DCLK1: variants seen among roughly 807,000 people sequenced by gnomAD.
DCLK1 encodes doublecortin like kinase 1.
DCLK1 carries 16 observed loss-of-function variants against 86.2 expected under a neutral mutation model. That is an observed-to-expected ratio of 0.19 (90% CI 0.13 to 0.28). The LOEUF (loss-of-function observed/expected upper bound fraction) is 0.28. Ranked by LOEUF, DCLK1 falls within the 10% of genes least tolerant of loss-of-function variation. The pLI, the probability that DCLK1 is intolerant of heterozygous loss-of-function variation, is 1.00. For missense variants in DCLK1, 590 were observed against 940.2 expected (o/e 0.63, Z 4.87); for synonymous variants, 369 against 370.5 (o/e 1.00, Z 0.05).
rs146235871 is a variant in DCLK1, at chr13:35,933,369, A to G, written c.823+13989T>C. Among the ~76,000 whole-genome samples the G allele has an allele frequency of 5.5e-3, 837 of 152,288 alleles. 5 individuals are homozygous for G. The highest frequency in any genetic ancestry group is 0.01 in the Middle Eastern group (3 of 294). On this transcript the variant is annotated intron_variant, in intron 4 of 16. Transcript: ENST00000360631. The stretch of plus-strand genomic sequence containing the variant: ...TGGCCCTCTTCTCACAGCTCCACTA[A>G]GCAGTGCCACAGTAAGGACTCTGTG...
chr13:35,809,042 A>G lies in DCLK1; in HGVS notation c.1742T>C (p.Leu581Pro). 1 of 1,612,712 alleles carries G rather than the reference A, an allele frequency of 6.2e-7. No individual in the cohort carries two copies. The highest frequency in any genetic ancestry group is 8.5e-7 in the Non-Finnish European group (1 of 1,179,062). Residue 581 changes from leucine (L) to proline (P), a missense_variant, in exon 13 of 17, where the codon CTG (leucine) becomes CCG (proline). Physicochemically the swap from Leu to Pro is moderately conservative, Grantham distance 98. Transcript: ENST00000360631. ...CCCACGGAATGGAGGGAAACCACAC[A>G]GCAGGATATAAGTGATTACACCTGC... ...WAAGVITYILLCGFPPFRGSG... is the reference protein window; with the variant it reads ...WAAGVITYILPCGFPPFRGSG...
At chr13:35,849,294 G>A (rs561140428) in intron 6 of DCLK1, 12 of 984,966 alleles carry the variant, frequency 1.2e-5, no homozygotes, top group East Asian at 1.1e-4. Context: ...TTAAAACAGC[G>A]TGTGACAACT....
chr13:35,937,505 C>T (rs1876830748), intron 4 of DCLK1, among the ~76,000 whole-genome samples: 2 of 152,126 alleles, frequency 1.3e-5, no homozygotes, highest in Admixed American at 1.3e-4. Flanking sequence ...CCACATGCTA[C>T]ATTGGGATCT....
chr13:35,860,507 C>T (rs1248597472), intron 5 of DCLK1, among the ~76,000 whole-genome samples: 1 of 151,974 alleles, frequency 6.6e-6, no homozygotes, highest in Non-Finnish European at 1.5e-5. Context: ...TTCAAAGAAA[C>T]CATCTACTGA....
At chr13:35,812,836 T>C (rs1318951838) in intron 11 of DCLK1, among the ~76,000 whole-genome samples, 1 of 152,086 alleles carries the variant, frequency 6.6e-6, no homozygotes, top group African/African-American at 2.4e-5. Context: ...AACAGCCATA[T>C]GTCCCTCACA....
At chr13:35,825,848 T>C (rs1311849543) in intron 10 of DCLK1, among the ~76,000 whole-genome samples, 1 of 151,974 alleles carries the variant, frequency 6.6e-6, no homozygotes, top group Non-Finnish European at 1.5e-5. Flanking sequence ...GTTTCGCTCT[T>C]TTTGCCCAGG....
At chr13:35,958,114 C>CAT (rs1593767840) in intron 3 of DCLK1, among the ~76,000 whole-genome samples, 28 of 135,686 alleles carry the variant, frequency 2.1e-4, no homozygotes, top group Middle Eastern at 3.7e-3. Flanking sequence ...ACCACCATCA[C>CAT]CACCACCACT....
At chr13:35,853,990 C>T (rs1415951276) in intron 6 of DCLK1, among the ~76,000 whole-genome samples, 1 of 152,164 alleles carries the variant, frequency 6.6e-6, no homozygotes, top group African/African-American at 2.4e-5. Flanking sequence ...GCCAAATTCT[C>T]CATAAATGCA....
At chr13:35,852,849 T>A (rs920739667) in intron 6 of DCLK1, among the ~76,000 whole-genome samples, 1 of 152,174 alleles carries the variant, frequency 6.6e-6, no homozygotes, top group Non-Finnish European at 1.5e-5. Flanking sequence ...GAATTCCCAA[T>A]CACTCTTAAT....
At chr13:35,891,955 T>C (rs1447665370) in intron 4 of DCLK1, among the ~76,000 whole-genome samples, 4 of 152,186 alleles carry the variant, frequency 2.6e-5, no homozygotes, top group Non-Finnish European at 5.9e-5. Flanking sequence ...CCTGGGATTA[T>C]ATAATCTTAC....
intron 4 of DCLK1, among the ~76,000 whole-genome samples, chr13:35,941,979 G>A (rs900575398): frequency 6.6e-6 from 1 of 151,986 alleles, no homozygotes; most frequent in African/African-American, 2.4e-5. Context: ...TTGCAAGGCT[G>A]GCTTTTTTCT....
At chr13:35,969,171 G>T (rs960862156) in intron 3 of DCLK1, among the ~76,000 whole-genome samples, 2 of 152,184 alleles carry the variant, frequency 1.3e-5, no homozygotes, top group African/African-American at 4.8e-5. Context: ...GTGAGTGTCT[G>T]AAGTCCTGAC....
intron 3 of DCLK1, among the ~76,000 whole-genome samples, chr13:36,032,729 G>C (rs1180968770): frequency 6.6e-6 from 1 of 152,148 alleles, no homozygotes; most frequent in Non-Finnish European, 1.5e-5. Context: ...TCCTGCCCCG[G>C]GAGCGGCCGT....
At chr13:35,847,762 T>C in intron 6 of DCLK1, 1 of 985,108 alleles carries the variant, frequency 1.0e-6, no homozygotes, top group Non-Finnish European at 1.2e-6. Flanking sequence ...GTTCAAATGG[T>C]TTTAGAAAAT....
chr13:35,894,996 G>A (rs2153120385), intron 4 of DCLK1, among the ~76,000 whole-genome samples: 1 of 152,280 alleles, frequency 6.6e-6, no homozygotes, highest in East Asian at 1.9e-4. Flanking sequence ...GCCCAGGCTG[G>A]AATGCAGTTG....
At chr13:36,128,566 G>A (rs1342367772) in intron 1 of DCLK1, among the ~76,000 whole-genome samples, 1 of 152,162 alleles carries the variant, frequency 6.6e-6, no homozygotes, top group Non-Finnish European at 1.5e-5. Flanking sequence ...TCTGATGTTG[G>A]TGATTCTATC....
intron 7 of DCLK1, among the ~76,000 whole-genome samples, chr13:35,837,666 G>A: frequency 6.6e-6 from 1 of 152,140 alleles, no homozygotes; most frequent in Non-Finnish European, 1.5e-5. Context: ...CTTCCATTCT[G>A]CCTTCTGGTG....
intron 3 of DCLK1, among the ~76,000 whole-genome samples, chr13:36,016,495 C>T (rs1357410347): frequency 2.6e-5 from 4 of 152,086 alleles, no homozygotes; most frequent in Non-Finnish European, 4.4e-5. Flanking sequence ...ATCAGGCTAA[C>T]GGAGCATACA....
At chr13:36,035,828 A>AT (rs1882468290) in intron 3 of DCLK1, among the ~76,000 whole-genome samples, 1 of 152,220 alleles carries the variant, frequency 6.6e-6, no homozygotes, top group Non-Finnish European at 1.5e-5. Flanking sequence ...TATAATCAAC[A>AT]TAAGTTTTAG....
Sources: gnomAD v4.1 joint callset for allele counts (sites outside exome capture counted in the v4.1 genomes callset) on GRCh38, gnomAD v4.1.1 for gene constraint, MANE v1.5 for transcripts, NCBI Gene and HGNC (gene_info 2026-07-23, HGNC 2026-07-21) for gene names.